Variants in CGREF1 observed in about 807,000 individuals in gnomAD.
CGREF1 encodes the protein cell growth regulator with EF-hand domain 1.
Under a neutral mutation model 17.4 loss-of-function variants are expected in CGREF1, and 16 were observed. The observed-to-expected ratio is 0.92, with a 90% CI of 0.62 to 1.40. The LOEUF is 1.40. CGREF1 is among the 40% of genes most tolerant of loss of function. The pLI is 0.00. For missense variants in CGREF1, 296 were observed against 376.4 expected (o/e 0.79, Z 1.77); for synonymous variants, 142 against 154.6 (o/e 0.92, Z 0.61).
At chr2:27,099,719 G>T (rs201037118), downstream of CGREF1, 2 of 1,614,044 alleles carry the variant, frequency 1.2e-6, no homozygotes, top group African/African-American at 2.7e-5. Context: ...GGCAAGAAGT[G>T]TGGCCTGCAG....
At position 27,102,097 on chromosome 2, in the gene CGREF1, C is replaced by T. The variant is rs202193679; in HGVS notation, c.342G>A (p.Pro114=). ...PGAANSPTTN[P]VILIVDKVLE... is the part of the protein sequence containing the mutation. ...GGGATCTCCATCCAGCAGAGCTTAC[C>T]GGGTTGGTGGTAGGAGAGTTGGCAG... Residue 114 remains proline, a splice_region_variant and synonymous_variant, in exon 5 of 6, where the codon CCG becomes CCA. Transcript: ENST00000402394. 2.4e-4 allele frequency: 387 copies of T among 1,602,396 alleles called. 1 individual carries two copies. The highest frequency in any genetic ancestry group is 2.2e-4 in the Non-Finnish European group (255 of 1,171,522).
At chr2:27,110,774 G>C (rs533693565) in intron 1 of CGREF1, 7 of 154,410 alleles carry the variant, frequency 4.5e-5, no homozygotes, top group African/African-American at 1.7e-4. Context: ...TCCTAAAGGC[G>C]GCGTGTCTGG....
At position 27,111,206 on chromosome 2, in the gene CGREF1, G is replaced by C. The variant is rs1332161115; in HGVS notation, c.-11-6829C>G. Among the ~76,000 whole-genome samples, 4 of 152,260 alleles carry C rather than the reference G, an allele frequency of 2.6e-5. No individual in the cohort carries two copies. In the East Asian group the frequency reaches 7.7e-4, roughly 29 times the overall value. The stretch of plus-strand genomic sequence containing the variant: ...GAGCGGAGTGGTCTGTTTTGACAGG[G>C]TGCTGATTGGTGCGTTTACAATCCC... On this transcript the variant is annotated intron_variant, in intron 1 of 5. Transcript: ENST00000402394.
rs1315960042 is a variant in CGREF1 at position 27,104,380 on chromosome 2, G to T, written c.-11-3C>A. On this transcript the variant is annotated splice_polypyrimidine_tract_variant and splice_region_variant and intron_variant, in intron 1 of 5. Coordinates refer to ENST00000402394, the MANE Select transcript of CGREF1 (RefSeq NM_006569.6). ...CAAAGGTAACATCCTTCCTGGAACT[G>T]GAACAAGGAAGAGAATCAGGGGTCG... 1 of 1,613,656 alleles carries T rather than the reference G, an allele frequency of 6.2e-7. No homozygotes were observed. Among genetic ancestry groups the T allele is most frequent in the Non-Finnish European group, 8.5e-7 (1 of 1,179,830 alleles).
chr2:27,109,419 A>C (rs1671262897), intron 1 of CGREF1, among the ~76,000 whole-genome samples: 1 of 152,132 alleles, frequency 6.6e-6, no homozygotes, highest in African/African-American at 2.4e-5. Context: ...TGTGGAGCAA[A>C]GAAATCACAA....
At chr2:27,102,882 T>TA in intron 2 of CGREF1, 2 of 968,272 alleles carry the variant, frequency 2.1e-6, no homozygotes, top group Non-Finnish European at 2.5e-6. Flanking sequence ...AGACACAAGT[T>TA]AGAGATCCAA....
rs570409983 is a variant in CGREF1, at chr2:27,102,070, C to T, written c.342+27G>A. ...CCCAAAGTGCTGGGTCTCCTTTATGCGGGGATCTCCATCCAGCAGAGCTTA... is the reference window on the plus strand; with the variant it reads ...CCCAAAGTGCTGGGTCTCCTTTATGTGGGGATCTCCATCCAGCAGAGCTTA... On this transcript the variant is annotated intron_variant, in intron 5 of 5. Coordinates refer to ENST00000402394, the MANE Select transcript of CGREF1 (RefSeq NM_006569.6). The T allele has an allele frequency of 1.8e-5, 28 of 1,587,684 alleles. No homozygotes were observed. In the Middle Eastern group the frequency reaches 5.1e-4, roughly 29 times the overall value.
In CGREF1 at chr2:27,104,836, G is replaced by GTTTTTT; in HGVS notation, c.-11-460_-11-459insAAAAAA. The GTTTTTT allele has an allele frequency of 2.8e-6, 4 of 1,427,588 alleles. No individual in the cohort carries two copies. The South Asian group carries it at 6.2e-5, about 22-fold the overall frequency. The allele number at this position is 1,427,588 out of a possible 1,614,324, so 88.4% of individuals were successfully genotyped here. A position where few individuals can be genotyped will look rare whatever the true frequency, so the allele number is the denominator to read the frequency against. Reference sequence around the variant, plus strand: ...CTTAAACACAGGCAAAAAGAGAAATGGACTGTTTGTGTTTATTAAAAACCC... The same window carrying GTTTTTT: ...CTTAAACACAGGCAAAAAGAGAAATGTTTTTTGACTGTTTGTGTTTATTAAAAACCC... On this transcript the variant is annotated intron_variant, in intron 1 of 5. Transcript: ENST00000402394.
chr2:27,104,446 G>A (rs769121338), intron 1 of CGREF1, 69 bp from the exon 2 acceptor site: 2 of 1,582,016 alleles, frequency 1.3e-6, no homozygotes, highest in South Asian at 1.2e-5. Flanking sequence ...GATGGGCTGG[G>A]TTAGACACAA....
chr2:27,100,598 T>A lies in CGREF1; in HGVS notation c.*676A>T. 8.0e-7 allele frequency: 1 copy of A among 1,255,358 alleles called. No homozygotes were observed. The highest frequency in any genetic ancestry group is 2.3e-5 in the Admixed American group (1 of 42,650). 77.8% of individuals were successfully genotyped at this position (1,255,358 alleles called of 1,614,324 possible). On this transcript the variant is annotated 3_prime_UTR_variant, in exon 6 of 6. Transcript: ENST00000402394. The stretch of plus-strand genomic sequence containing the variant: ...GGCTTTAGAGTGAGACAGACCTGGA[T>A]TAAAATCTGCCATTTAATTAGCTGC...
chr2:27,107,284 T>C (rs1671158075), intron 1 of CGREF1, among the ~76,000 whole-genome samples: 2 of 116,436 alleles, frequency 1.7e-5, no homozygotes, highest in Admixed American at 8.0e-5. Context: ...AGAGAGGGTC[T>C]CGCTCTGTTG....
At position 27,102,341 on chromosome 2, in the gene CGREF1, C is replaced by A. The variant is rs760336696; in HGVS notation, c.217+19G>T. On this transcript the variant is annotated intron_variant, in intron 4 of 5. Coordinates refer to ENST00000402394, the MANE Select transcript of CGREF1 (RefSeq NM_006569.6). ...GCCCAGAGCCTCCCGTCCCTGGCCC[C>A]ATCAGCCCAGCCCCTCACCCTGCTC... 25 of 1,613,852 alleles carry A rather than the reference C, an allele frequency of 1.5e-5. No homozygotes were observed. Among genetic ancestry groups the A allele is most frequent in the Non-Finnish European group, 2.0e-5 (24 of 1,179,834 alleles).
chr2:27,100,998 TC>T lies in CGREF1; in HGVS notation c.*275del, dbSNP rs1670789344. The T allele has an allele frequency of 8.0e-7, 1 of 1,252,438 alleles. No individual in the cohort carries two copies. The allele number at this position is 1,252,438 out of a possible 1,614,324, so 77.6% of individuals were successfully genotyped here. A position where few individuals can be genotyped will look rare whatever the true frequency, so the allele number is the denominator to read the frequency against. On this transcript the variant is annotated 3_prime_UTR_variant, in exon 6 of 6. Transcript: ENST00000402394. ...GCCCAGAAACACTGGGCAGGCGGCA[TC>T]CCTGTCCTTTCGGTCCCCAACCCCG...
intron 1 of CGREF1, among the ~76,000 whole-genome samples, chr2:27,106,825 C>T (rs917214585): frequency 6.6e-6 from 1 of 152,144 alleles, no homozygotes; most frequent in Non-Finnish European, 1.5e-5. Context: ...GCTGTGTTGG[C>T]CAAGCTGGTC....
downstream of CGREF1, chr2:27,100,029 G>A (rs577021295): frequency 3.0e-6 from 2 of 659,348 alleles, no homozygotes; most frequent in Admixed American, 2.5e-5. Context: ...CTGACTCTTC[G>A]ATCCTCCCTC....
At position 27,104,271 on chromosome 2, in the gene CGREF1, C is replaced by G; in HGVS notation, c.80+16G>C. ...CCTCCTCCCAGCCCTTGGCCCTGCC[C>G]TCATAACCCTGTTACCTTGTGACTC... is the stretch of plus-strand genomic sequence containing the variant. On this transcript the variant is annotated intron_variant, in intron 2 of 5. Transcript: ENST00000402394. The G allele has an allele frequency of 1.3e-6, 2 of 1,542,746 alleles. No individual in the cohort carries two copies. Among genetic ancestry groups the G allele is most frequent in the Non-Finnish European group, 1.7e-6 (2 of 1,145,864 alleles).
chr2:27,101,922 G>A (rs1461461483), intron 5 of CGREF1, 34 bp from the exon 6 acceptor site: 2 of 1,601,644 alleles, frequency 1.2e-6, no homozygotes, highest in East Asian at 4.5e-5. Flanking sequence ...GGTCTCCAGG[G>A]ACAGAGATGT....
intron 1 of CGREF1, among the ~76,000 whole-genome samples, chr2:27,116,734 T>C (rs1347101713): frequency 1.3e-5 from 2 of 149,914 alleles, no homozygotes; most frequent in African/African-American, 4.9e-5. Flanking sequence ...CATGACCTGC[T>C]AATTTTGTAT....
At chr2:27,109,863 C>T (rs1572899932) in intron 1 of CGREF1, among the ~76,000 whole-genome samples, 1 of 90,400 alleles carries the variant, frequency 1.1e-5, no homozygotes, top group Non-Finnish European at 2.0e-5. Flanking sequence ...CCAGCCTGGG[C>T]AACAAGAGGA....
Sources: gnomAD v4.1 joint callset for allele counts (sites outside exome capture counted in the v4.1 genomes callset) on GRCh38, gnomAD v4.1.1 for gene constraint, MANE v1.5 for transcripts, NCBI Gene and HGNC (gene_info 2026-07-23, HGNC 2026-07-21) for gene names.